The following RAB6A variants were observed in gnomAD, a reference collection of about 807,000 sequenced individuals.
The protein encoded by RAB6A is RAB6A, member RAS oncogene family, also known as ras-related protein Rab-6A.
In RAB6A, 8 loss-of-function variants were observed where a neutral mutation model predicts 32.3. That is an observed-to-expected ratio of 0.25 (90% CI 0.15 to 0.45). The LOEUF is 0.45. Ranked by LOEUF, RAB6A falls within the 20% of genes least tolerant of loss-of-function variation. The pLI is 1.00. For missense variants in RAB6A, 104 were observed against 249.4 expected, an observed-to-expected ratio of 0.42 and a Z score of 3.93; for synonymous variants, 73 against 82.1, an observed-to-expected ratio of 0.89 and a Z score of 0.60.
At chr11:73,680,901 G>A (rs1318857014) in intron 6 of RAB6A, among the ~76,000 whole-genome samples, 1 of 152,132 alleles carries the variant, frequency 6.6e-6, no homozygotes, top group East Asian at 1.9e-4. Flanking sequence ...ACGCACTCAA[G>A]CCTGGTGAGA....
chr11:73,680,988 C>T (rs1002889307), intron 6 of RAB6A, among the ~76,000 whole-genome samples: 1 of 152,188 alleles, frequency 6.6e-6, no homozygotes, highest in African/African-American at 2.4e-5. Flanking sequence ...CAATCTTAGG[C>T]ATACACCCAC....
intron 6 of RAB6A, among the ~76,000 whole-genome samples, chr11:73,689,479 C>T (rs1394568126): frequency 6.6e-6 from 1 of 152,196 alleles, no homozygotes; most frequent in Non-Finnish European, 1.5e-5. Context: ...AGGCCACGGA[C>T]CAGTATTGGG....
At chr11:73,732,202 T>C (rs889417097) in intron 1 of RAB6A, among the ~76,000 whole-genome samples, 17 of 152,004 alleles carry the variant, frequency 1.1e-4, no homozygotes, top group African/African-American at 3.6e-4. Context: ...AAATACAAAA[T>C]GAATGCAAAA....
chr11:73,724,050 G>C (rs1164853039), intron 2 of RAB6A, among the ~76,000 whole-genome samples: 2 of 152,180 alleles, frequency 1.3e-5, no homozygotes, highest in Non-Finnish European at 1.5e-5. Context: ...AGAAAAAATT[G>C]AACTGTTTCT....
chr11:73,699,594 TCTTA>T (rs1945709550), intron 6 of RAB6A, among the ~76,000 whole-genome samples: 1 of 152,208 alleles, frequency 6.6e-6, no homozygotes, highest in African/African-American at 2.4e-5. Flanking sequence ...TTACGATGTA[TCTTA>T]CTGTCTGTAG....
intron 6 of RAB6A, among the ~76,000 whole-genome samples, chr11:73,703,600 G>C (rs1945781770): frequency 6.6e-6 from 1 of 152,124 alleles, no homozygotes. Context: ...AAATTAGCTA[G>C]ACACAGTGGC....
At position 73,686,252 on chromosome 11, in the gene RAB6A, G is replaced by A. The variant is rs181184288; in HGVS notation, c.496-6532C>T. ...CTATTCAAGATGCATAATCTTTTCG[G>A]CTCTTAAGAATACCAGATTTAGGCT... is the stretch of plus-strand genomic sequence containing the variant. On this transcript the variant is annotated intron_variant, in intron 6 of 7. Coordinates refer to ENST00000336083, the MANE Select transcript of RAB6A (RefSeq NM_198896.2). 2.2e-3 allele frequency among the ~76,000 whole-genome samples: 330 copies of A among 152,082 alleles called. 2 individuals are homozygous for A. Among genetic ancestry groups the A allele is most frequent in the African/African-American group, 7.5e-3 (309 of 41,470 alleles).
intron 1 of RAB6A, among the ~76,000 whole-genome samples, chr11:73,746,671 T>C (rs761908439): frequency 7.9e-5 from 12 of 151,700 alleles, no homozygotes; most frequent in African/African-American, 1.9e-4. Context: ...GGTGAGAGGA[T>C]TGCCTAAGCC....
chr11:73,701,817 T>A (rs1417928986), intron 6 of RAB6A, among the ~76,000 whole-genome samples: 1 of 152,160 alleles, frequency 6.6e-6, no homozygotes, highest in Non-Finnish European at 1.5e-5. Context: ...TTTCTGTGTT[T>A]TTTTGTAGAG....
At chr11:73,687,081 T>C (rs10898935) in intron 6 of RAB6A, among the ~76,000 whole-genome samples, 72,988 of 151,504 alleles carry the variant, frequency 0.48, 18,899 homozygotes, top group East Asian at 0.6. Context: ...TACTACAATA[T>C]GGATGCATCT....
chr11:73,756,599 C>G (rs980906507), intron 1 of RAB6A, among the ~76,000 whole-genome samples: 1 of 152,218 alleles, frequency 6.6e-6, no homozygotes, highest in Non-Finnish European at 1.5e-5. Flanking sequence ...AAAACTGCCT[C>G]TGCATCTCAA....
In RAB6A at chr11:73,716,822, CACT is replaced by C. The variant is rs1946060875; in HGVS notation, c.290-463_290-461del. On this transcript the variant is annotated intron_variant, in intron 4 of 7. Coordinates refer to ENST00000336083, the MANE Select transcript of RAB6A (RefSeq NM_198896.2). ...AAAGCCTTTCAATAGCTTTCAACAC[CACT>C]GTTTGCACTGCTTCCTCAGTTTGTG... is the stretch of plus-strand genomic sequence containing the variant. Among the ~76,000 whole-genome samples the C allele has an allele frequency of 2.0e-5, 3 of 152,314 alleles. No homozygotes were observed. In the South Asian group the frequency reaches 6.2e-4, roughly 32 times the overall value.
intron 6 of RAB6A, among the ~76,000 whole-genome samples, chr11:73,690,032 G>A (rs895214962): frequency 1.3e-5 from 2 of 152,118 alleles, no homozygotes; most frequent in East Asian, 1.9e-4. Flanking sequence ...TTTTCACATG[G>A]TGTAAGGCAG....
intron 5 of RAB6A, among the ~76,000 whole-genome samples, chr11:73,709,652 G>A (rs756025074): frequency 1.3e-5 from 2 of 149,674 alleles, no homozygotes; most frequent in Middle Eastern, 3.6e-3. Flanking sequence ...TACATTTTCT[G>A]GCCCAGATGC....
chr11:73,677,728 G>A lies in RAB6A; in HGVS notation c.*170C>T. Reference sequence around the variant, plus strand: ...AATAATGAAGACACTGACTTTTGTTGTGCTTGTGAAGCTAATAGATCATCT... The same window carrying A: ...AATAATGAAGACACTGACTTTTGTTATGCTTGTGAAGCTAATAGATCATCT... On this transcript the variant is annotated 3_prime_UTR_variant, in exon 8 of 8. Transcript: ENST00000336083. 1 of 1,444,284 alleles carries A rather than the reference G, an allele frequency of 6.9e-7. No homozygotes were observed. The highest frequency in any genetic ancestry group is 9.3e-7 in the Non-Finnish European group (1 of 1,077,830). 89.5% of individuals were successfully genotyped at this position (1,444,284 alleles called of 1,614,324 possible).
intron 3 of RAB6A, among the ~76,000 whole-genome samples, chr11:73,719,616 ATT>A (rs768603020): frequency 1.5e-4 from 21 of 143,520 alleles, no homozygotes; most frequent in Admixed American, 2.1e-4. Flanking sequence ...AAGCTTTCAA[ATT>A]TTTTTTTTTT....
chr11:73,747,590 A>G (rs1946610346), intron 1 of RAB6A, among the ~76,000 whole-genome samples: 1 of 152,138 alleles, frequency 6.6e-6, no homozygotes, highest in African/African-American at 2.4e-5. Flanking sequence ...TAACTAAACT[A>G]TGTAACTTAT....
intron 6 of RAB6A, among the ~76,000 whole-genome samples, chr11:73,694,813 A>C (rs955334902): frequency 1.3e-5 from 2 of 152,222 alleles, no homozygotes; most frequent in Admixed American, 6.5e-5. Flanking sequence ...CTGGAGTTTG[A>C]GACCAGCCTG....
chr11:73,744,108 G>A (rs1344779465), intron 1 of RAB6A, among the ~76,000 whole-genome samples: 1 of 152,104 alleles, frequency 6.6e-6, no homozygotes, highest in Non-Finnish European at 1.5e-5. Context: ...GGAGGCTGAG[G>A]CGGGTGGATC....
Sources: gnomAD v4.1 joint callset for allele counts (sites outside exome capture counted in the v4.1 genomes callset) on GRCh38, gnomAD v4.1.1 for gene constraint, MANE v1.5 for transcripts, NCBI Gene and HGNC (gene_info 2026-07-23, HGNC 2026-07-21) for gene names.